REEP3: variants seen among roughly 807,000 people sequenced by gnomAD.
REEP3 encodes receptor accessory protein 3, also known as receptor expression-enhancing protein 3.
In REEP3, 20 loss-of-function variants were observed where a neutral mutation model predicts 41.3. The observed-to-expected ratio is 0.48, with a 90% CI of 0.34 to 0.70. The LOEUF is 0.70. REEP3 is among the 30% of genes least tolerant of loss of function. The pLI, the probability that REEP3 is intolerant of heterozygous loss-of-function variation, is 0.01. For synonymous variants in REEP3, 104 were observed against 101.8 expected (o/e 1.02, Z -0.13); for missense variants, 271 against 308.8 (o/e 0.88, Z 0.92).
intron 6 of REEP3, among the ~76,000 whole-genome samples, chr10:63,618,353 C>T (rs1956328535): frequency 6.9e-6 from 1 of 145,200 alleles, no homozygotes; most frequent in Non-Finnish European, 1.5e-5. Context: ...TCATGCCATT[C>T]TCCTGCCCCA....
Position 63,621,866 on chromosome 10 carries a change from G to T in REEP3, c.*997G>T, listed in dbSNP as rs1564494653. On this transcript the variant is annotated 3_prime_UTR_variant, in exon 8 of 8. Transcript: ENST00000373758. ...TCTCAGCCAATCCATTCACAAGCTTGGCATTGACATGTGCTGCTAGTTTAT... is the reference window on the plus strand; with the variant it reads ...TCTCAGCCAATCCATTCACAAGCTTTGCATTGACATGTGCTGCTAGTTTAT... The T allele has an allele frequency of 6.6e-6, 1 of 152,148 alleles. No homozygotes were observed. The highest frequency in any genetic ancestry group is 6.6e-5 in the Admixed American group (1 of 15,266). 9.4% of individuals were successfully genotyped at this position (152,148 alleles called of 1,614,324 possible). A position where few individuals can be genotyped will look rare whatever the true frequency, so the allele number is the denominator to read the frequency against.
chr10:63,574,238 C>T (rs1019078867), intron 2 of REEP3, among the ~76,000 whole-genome samples: 4 of 152,150 alleles, frequency 2.6e-5, no homozygotes. Context: ...TACCCAATGC[C>T]ACTATACACT....
At chr10:63,617,655 CTCCCAAA>C (rs1956321456) in intron 6 of REEP3, among the ~76,000 whole-genome samples, 1 of 149,692 alleles carries the variant, frequency 6.7e-6, no homozygotes, top group Admixed American at 6.7e-5. Context: ...CTGCCTTGAC[CTCCCAAA>C]GTGCTGGCAT....
Position 63,610,280 on chromosome 10 carries a change from C to A in REEP3, c.511C>A (p.Gln171Lys), listed in dbSNP as rs113298040. 2.5e-6 allele frequency: 4 copies of A among 1,581,720 alleles called. No homozygotes were observed. In the African/African-American group the frequency reaches 4.0e-5, roughly 16 times the overall value. Reference sequence around the variant, plus strand: ...TGAGCCTGTGGGACAAAGACCATACCAACCTCTACCAGAAGCAAAAAAGAA... The same window carrying A: ...TGAGCCTGTGGGACAAAGACCATACAAACCTCTACCAGAAGCAAAAAAGAA... ...GDEPVGQRPY[Q>K]PLPEAKKKSK... is the part of the protein sequence containing the mutation. Residue 171 changes from glutamine (Q) to lysine (K), a missense_variant, in exon 6 of 8, where the codon CAA becomes AAA. By Grantham distance (53) the Gln-to-Lys change is moderately conservative. Transcript: ENST00000373758.
At chr10:63,524,963 G>A (rs1418043588) in intron 1 of REEP3, among the ~76,000 whole-genome samples, 3 of 150,828 alleles carry the variant, frequency 2.0e-5, no homozygotes, top group African/African-American at 7.3e-5. Context: ...AGTGAGCTGA[G>A]ATCGTGCCAC....
chr10:63,602,937 G>A (rs1956185988), intron 5 of REEP3, among the ~76,000 whole-genome samples: 1 of 152,098 alleles, frequency 6.6e-6, no homozygotes, highest in Non-Finnish European at 1.5e-5. Context: ...TGTCTGTCTG[G>A]AGCTAATGTC....
At chr10:63,571,855 T>C (rs1354012631) in intron 2 of REEP3, among the ~76,000 whole-genome samples, 1 of 152,158 alleles carries the variant, frequency 6.6e-6, no homozygotes, top group South Asian at 2.1e-4. Flanking sequence ...AAAGACAGAA[T>C]TGGTACCAGA....
intron 5 of REEP3, chr10:63,599,540 C>T: frequency 3.2e-6 from 1 of 314,744 alleles, no homozygotes; most frequent in Non-Finnish European, 5.0e-6. Flanking sequence ...CATAATTTTC[C>T]CACTTAATCA....
intron 1 of REEP3, among the ~76,000 whole-genome samples, chr10:63,558,134 C>A (rs993966853): frequency 1.4e-4 from 21 of 152,150 alleles, no homozygotes; most frequent in Admixed American, 1.4e-3. Context: ...ACTTTCCCCC[C>A]AAAGGAGACA....
At chr10:63,532,973 G>A (rs1006872191) in intron 1 of REEP3, among the ~76,000 whole-genome samples, 1 of 152,202 alleles carries the variant, frequency 6.6e-6, no homozygotes. Flanking sequence ...GGGGAAGGGG[G>A]ACAGATTTTT....
intron 6 of REEP3, among the ~76,000 whole-genome samples, chr10:63,610,897 C>T (rs558863578): frequency 3.9e-5 from 6 of 152,008 alleles, no homozygotes; most frequent in Non-Finnish European, 2.9e-5. Context: ...GGTGAAACTC[C>T]GTCTCTACTA....
At chr10:63,618,647 A>G (rs1165993529) in intron 6 of REEP3, among the ~76,000 whole-genome samples, 1 of 152,186 alleles carries the variant, frequency 6.6e-6, no homozygotes. Flanking sequence ...CAGCATCCTC[A>G]GGCAGTGGTT....
chr10:63,530,347 A>AT (rs962483280), intron 1 of REEP3, among the ~76,000 whole-genome samples: 2 of 152,244 alleles, frequency 1.3e-5, no homozygotes, highest in South Asian at 2.1e-4. Context: ...TTTATTTACC[A>AT]TTTTTTATGA....
At chr10:63,598,165 C>T (rs764156874) in intron 4 of REEP3, 21 bp downstream of exon 4, 3 of 1,532,256 alleles carry the variant, frequency 2.0e-6, no homozygotes, top group South Asian at 2.3e-5. Flanking sequence ...TAAATTACTT[C>T]CGTAAATAAT....
intron 2 of REEP3, among the ~76,000 whole-genome samples, chr10:63,580,214 C>T (rs1212796377): frequency 1.3e-5 from 2 of 152,076 alleles, no homozygotes; most frequent in Admixed American, 6.5e-5. Flanking sequence ...AAACTCACCA[C>T]AGCCTCAACC....
intron 1 of REEP3, among the ~76,000 whole-genome samples, chr10:63,538,638 G>A (rs1009565200): frequency 6.6e-6 from 1 of 152,128 alleles, no homozygotes; most frequent in African/African-American, 2.4e-5. Flanking sequence ...GGAGGCTGAG[G>A]CAGGAGAATC....
intron 5 of REEP3, among the ~76,000 whole-genome samples, chr10:63,609,779 A>T (rs191598037): frequency 2.0e-5 from 3 of 152,110 alleles, no homozygotes; most frequent in Non-Finnish European, 4.4e-5. Flanking sequence ...AAATAAATAA[A>T]TATAAATAAA....
At chr10:63,597,476 T>A (rs553086575) in intron 3 of REEP3, among the ~76,000 whole-genome samples, 1 of 152,320 alleles carries the variant, frequency 6.6e-6, no homozygotes, top group South Asian at 2.1e-4. Context: ...GTTTGGCAGC[T>A]TTCCTATGCT....
In REEP3 at chr10:63,622,978, T is replaced by A. The variant is rs1177038635; in HGVS notation, c.*2109T>A. 6.6e-6 allele frequency: 1 copy of A among 152,324 alleles called. No homozygotes were observed. Among genetic ancestry groups the A allele is most frequent in the Non-Finnish European group, 1.5e-5 (1 of 68,140 alleles). The allele number at this position is 152,324 out of a possible 1,614,324, so 9.4% of individuals were successfully genotyped here. A position where few individuals can be genotyped will look rare whatever the true frequency, so the allele number is the denominator to read the frequency against. Reference sequence around the variant, plus strand: ...CCTCGGCCTCCCAAACTTCTGGGATTACAGGCGTGAGCCACCGCACCCAGC... The same window carrying A: ...CCTCGGCCTCCCAAACTTCTGGGATAACAGGCGTGAGCCACCGCACCCAGC... On this transcript the variant is annotated 3_prime_UTR_variant, in exon 8 of 8. Coordinates refer to ENST00000373758, the MANE Select transcript of REEP3 (RefSeq NM_001001330.3).
Sources: allele counts gnomAD v4.1 joint callset (sites outside exome capture counted in the v4.1 genomes callset), GRCh38; gene constraint gnomAD v4.1.1; transcripts MANE v1.5; gene names NCBI Gene and HGNC (gene_info 2026-07-23, HGNC 2026-07-21).